Variants in ERN1 observed in about 807,000 individuals in gnomAD.
ERN1 encodes the protein endoplasmic reticulum to nucleus signaling 1.
A neutral mutation model predicts 113.1 loss-of-function variants in ERN1; 39 were observed. The observed-to-expected ratio is 0.34, with a 90% CI of 0.27 to 0.45. The LOEUF (loss-of-function observed/expected upper bound fraction) is 0.45. ERN1 is among the 20% of genes least tolerant of loss of function. The pLI, the probability that ERN1 is intolerant of heterozygous loss-of-function variation, is 1.00. For missense variants in ERN1, 976 were observed against 1,274.8 expected (o/e 0.77, Z 3.57); for synonymous variants, 507 against 515.9 (o/e 0.98, Z 0.23).
At chr17:64,128,161 A>ATTTT (rs760752335) in intron 1 of ERN1, among the ~76,000 whole-genome samples, 32 of 126,368 alleles carry the variant, frequency 2.5e-4, no homozygotes, top group Middle Eastern at 4.0e-3. Context: ...CGCCCGGCTA[A>ATTTT]TTTTTTTTTT....
chr17:64,128,125 G>A (rs1001054090), intron 1 of ERN1, among the ~76,000 whole-genome samples: 2 of 150,576 alleles, frequency 1.3e-5, no homozygotes, highest in African/African-American at 4.9e-5. Flanking sequence ...CTCCCCAGTA[G>A]CTGGGATTAC....
chr17:64,072,418 T>C (rs1027574255), intron 5 of ERN1, among the ~76,000 whole-genome samples: 15 of 152,270 alleles, frequency 9.9e-5, no homozygotes, highest in Non-Finnish European at 1.6e-4. Context: ...ATATGAAAAG[T>C]CTTGCCTGTG....
intron 19 of ERN1, among the ~76,000 whole-genome samples, chr17:64,047,376 T>A (rs1205445002): frequency 6.6e-6 from 1 of 151,948 alleles, no homozygotes; most frequent in Admixed American, 6.6e-5. Flanking sequence ...AAAATAAAAA[T>A]AAATAAATAA....
At chr17:64,103,453 C>T (rs979231117) in intron 1 of ERN1, among the ~76,000 whole-genome samples, 5 of 149,708 alleles carry the variant, frequency 3.3e-5, no homozygotes, top group South Asian at 2.1e-4. Flanking sequence ...GCCGAGATCA[C>T]GCCACTGCAC....
chr17:64,082,491 C>A (rs568485315), intron 2 of ERN1, among the ~76,000 whole-genome samples: 1 of 152,224 alleles, frequency 6.6e-6, no homozygotes. Flanking sequence ...GAAAACACAG[C>A]AGTAAAATGG....
chr17:64,053,945 A>G, intron 15 of ERN1: 1 of 285,464 alleles, frequency 3.5e-6, no homozygotes, highest in South Asian at 5.2e-5. Context: ...ATTCACTGTA[A>G]CTTTTTTTTA....
chr17:64,083,615 G>C (rs546842900), intron 2 of ERN1, among the ~76,000 whole-genome samples: 1 of 152,268 alleles, frequency 6.6e-6, no homozygotes, highest in South Asian at 2.1e-4. Flanking sequence ...AAGGTTATCT[G>C]GTAAAGGTAG....
chr17:64,083,445 A>C (rs1913830377), intron 2 of ERN1, among the ~76,000 whole-genome samples: 1 of 152,244 alleles, frequency 6.6e-6, no homozygotes, highest in Non-Finnish European at 1.5e-5. Flanking sequence ...TCCTACCTGT[A>C]GGGATGTAAA....
intron 16 of ERN1, 137 bp from the exon 17 acceptor site, chr17:64,053,116 T>G: frequency 1.1e-6 from 1 of 923,330 alleles, no homozygotes. Context: ...CTATGTCGGA[T>G]TCCTCCTCAA....
chr17:64,094,254 G>T (rs1914166995), intron 2 of ERN1, among the ~76,000 whole-genome samples: 1 of 152,102 alleles, frequency 6.6e-6, no homozygotes, highest in South Asian at 2.1e-4. Context: ...CAGTTGCCGT[G>T]GCTATGGTGG....
At chr17:64,055,529 CCA>C in intron 13 of ERN1, 144 bp downstream of exon 13, 1 of 789,186 alleles carries the variant, frequency 1.3e-6, no homozygotes, top group Non-Finnish European at 1.9e-6. Context: ...AGAAGCCTTC[CCA>C]CAGAGACCCC....
rs570301961 is a variant in ERN1, at chr17:64,054,779, C to T, written c.1722G>A (p.Lys574=). Residue 574 remains lysine (K), a synonymous_variant, in exon 14 of 22, where the codon AAG becomes AAA. Transcript: ENST00000433197. The surrounding 1 kb of genome is among the most constrained non-coding windows in gnomAD (Gnocchi z 4.9). ...VIVGKISFCP[K]DVLGHGAEGT... ...CCTCAGCTCCATGGCCCAGGACATC[C>T]TTGGGACAGAAGGAAATTTTCCCAA... 3.7e-6 allele frequency: 6 copies of T among 1,610,564 alleles called. No homozygotes were observed. In the East Asian group the frequency reaches 1.1e-4, roughly 30 times the overall value.
At chr17:64,073,084 C>T (rs1372127397) in intron 5 of ERN1, among the ~76,000 whole-genome samples, 1 of 151,010 alleles carries the variant, frequency 6.6e-6, no homozygotes, top group African/African-American at 2.4e-5. Context: ...CGGCTCACTG[C>T]AGCCTCAAAC....
chr17:64,053,012 AC>A, intron 16 of ERN1, 33 bp from the exon 17 acceptor site: 1 of 1,458,678 alleles, frequency 6.9e-7, no homozygotes, highest in East Asian at 2.5e-5. Flanking sequence ...TCCAATGCTT[AC>A]CAGGAGCAAC....
intron 18 of ERN1, 30 bp from the exon 19 acceptor site, chr17:64,048,015 A>G (rs927649420): frequency 2.0e-5 from 32 of 1,594,694 alleles, no homozygotes; most frequent in Non-Finnish European, 2.7e-5. Context: ...GCAACTCATG[A>G]CTACCAGTCC....
intron 1 of ERN1, 183 bp from the exon 2 acceptor site, chr17:64,098,424 T>C (rs1236697489): frequency 1.3e-6 from 1 of 777,686 alleles, no homozygotes; most frequent in Non-Finnish European, 2.3e-6. Context: ...CACCTCACTC[T>C]AAGCAGTGAT....
intron 1 of ERN1, among the ~76,000 whole-genome samples, chr17:64,117,247 C>T (rs985476774): frequency 6.6e-6 from 1 of 151,970 alleles, no homozygotes; most frequent in African/African-American, 2.4e-5. Flanking sequence ...GTTTGAGACT[C>T]ACCTGGGCAA....
chr17:64,115,183 G>A (rs1304451441), intron 1 of ERN1, among the ~76,000 whole-genome samples: 1 of 152,126 alleles, frequency 6.6e-6, no homozygotes, highest in African/African-American at 2.4e-5. Context: ...TAAGTCATTG[G>A]CTCATGGTCT....
At position 64,048,979 on chromosome 17, in the gene ERN1, G is replaced by A. The variant is rs146850956; in HGVS notation, c.2401+76C>T. ...CCACGGCCTCTGTGAGTGCAAAGGT[G>A]GCACCAGCCCAGCTCTGCAGGGCCA... On this transcript the variant is annotated intron_variant, in intron 18 of 21. Transcript: ENST00000433197. 1,254 of 1,399,900 alleles carry A rather than the reference G, an allele frequency of 9.0e-4. 7 individuals carry two copies. In the African/African-American group the frequency reaches 0.016, roughly 17 times the overall value. The allele number at this position is 1,399,900 out of a possible 1,614,324, so 86.7% of individuals were successfully genotyped here.
Sources: gnomAD v4.1 joint callset for allele counts (sites outside exome capture counted in the v4.1 genomes callset) on GRCh38, gnomAD v4.1.1 for gene constraint, Gnocchi (gnomAD v3.1) non-coding constraint, MANE v1.5 for transcripts, NCBI Gene and HGNC (gene_info 2026-07-23, HGNC 2026-07-21) for gene names.